The following RAD51B variants were observed in gnomAD, a reference collection of about 807,000 sequenced individuals.
RAD51B encodes DNA repair protein RAD51 homolog 2.
A neutral mutation model predicts 42.2 loss-of-function variants in RAD51B; 38 were observed. The ratio of observed to expected loss-of-function variants is 0.90; its 90% CI spans 0.70 to 1.18. The LOEUF (loss-of-function observed/expected upper bound fraction) is 1.18. Ranked by LOEUF, RAD51B falls within the 50% of genes most tolerant of loss-of-function variation. The pLI, the probability that RAD51B is intolerant of heterozygous loss-of-function variation, is 0.00. For synonymous variants in RAD51B, 154 were observed against 145.2 expected (o/e 1.06, Z -0.43); for missense variants, 373 against 400.7 (o/e 0.93, Z 0.59).
intron 10 of RAD51B, among the ~76,000 whole-genome samples, chr14:68,493,453 A>C (rs1884240342): frequency 6.6e-6 from 1 of 152,146 alleles, no homozygotes. Flanking sequence ...CCTCATACTC[A>C]GCTTCCACCC....
intron 7 of RAD51B, among the ~76,000 whole-genome samples, chr14:67,892,449 T>C (rs916192092): frequency 1.3e-5 from 2 of 152,190 alleles, no homozygotes; most frequent in African/African-American, 4.8e-5. Context: ...TTACAATGAA[T>C]GGTTTAGCCC....
chr14:68,429,355 GT>G (rs2084940534), intron 9 of RAD51B, among the ~76,000 whole-genome samples: 1 of 152,162 alleles, frequency 6.6e-6, no homozygotes, highest in Non-Finnish European at 1.5e-5. Context: ...GGTTGAACTA[GT>G]TTACAGTCCC....
intron 10 of RAD51B, among the ~76,000 whole-genome samples, chr14:68,490,042 C>T (rs534762984): frequency 5.2e-4 from 79 of 152,272 alleles, no homozygotes; most frequent in Non-Finnish European, 8.5e-4. Flanking sequence ...CCGTAACTAC[C>T]GCAGCCTCTA....
intron 10 of RAD51B, chr14:68,497,427 CAG>C (rs1884607983): frequency 2.0e-5 from 22 of 1,096,738 alleles, no homozygotes; most frequent in Non-Finnish European, 2.3e-5. Flanking sequence ...AATGGGCACA[CAG>C]GGAACAGGAA....
At chr14:68,681,248 G>C (rs921082201) in intron 11 of RAD51B, among the ~76,000 whole-genome samples, 1 of 152,182 alleles carries the variant, frequency 6.6e-6, no homozygotes, top group African/African-American at 2.4e-5. Context: ...AAAAAAGATA[G>C]TTGCTAGGGT....
intron 10 of RAD51B, among the ~76,000 whole-genome samples, chr14:68,472,442 G>A (rs775716816): frequency 6.6e-6 from 1 of 152,180 alleles, no homozygotes; most frequent in Non-Finnish European, 1.5e-5. Flanking sequence ...AACACCTGCG[G>A]ACTTGGTGAA....
intron 7 of RAD51B, among the ~76,000 whole-genome samples, chr14:67,981,716 G>A (rs1172546504): frequency 5.3e-5 from 8 of 152,126 alleles, no homozygotes; most frequent in African/African-American, 9.7e-5. Context: ...AAAAGACTGC[G>A]TGCTGTTTGA....
chr14:68,299,892 A>T (rs2081690706), intron 8 of RAD51B, among the ~76,000 whole-genome samples: 1 of 152,228 alleles, frequency 6.6e-6, no homozygotes, highest in Non-Finnish European at 1.5e-5. Flanking sequence ...CCTTTCCATG[A>T]CACTGACACT....
chr14:68,445,903 G>A (rs529781016), intron 9 of RAD51B, among the ~76,000 whole-genome samples: 7 of 152,274 alleles, frequency 4.6e-5, no homozygotes, highest in East Asian at 1.9e-4. Context: ...GACTGAGAAC[G>A]GTTTAAGGTA....
chr14:67,865,578 G>A (rs1347935935), intron 5 of RAD51B, among the ~76,000 whole-genome samples: 34 of 114,732 alleles, frequency 3.0e-4, no homozygotes, highest in East Asian at 4.9e-4. Flanking sequence ...TCTCTCTGTC[G>A]CCCAGGTTGG....
rs1281594128 is a variant in RAD51B at position 68,238,048 on chromosome 14, G to T, written c.757-53836G>T. ...TATGAATATATCTCCGAGTAGAATTGCTGGGTTATATGTTAACTCTGTTTT... is the reference window on the plus strand; with the variant it reads ...TATGAATATATCTCCGAGTAGAATTTCTGGGTTATATGTTAACTCTGTTTT... On this transcript the variant is annotated intron_variant, in intron 7 of 10. Coordinates refer to ENST00000471583, the MANE Select transcript of RAD51B (RefSeq NM_133510.4). Among the ~76,000 whole-genome samples the T allele has an allele frequency of 3.9e-5, 6 of 152,082 alleles. No individual in the cohort carries two copies. The East Asian group carries it at 1.2e-3, about 29-fold the overall frequency.
chr14:68,038,956 A>G (rs1054101757), intron 7 of RAD51B, among the ~76,000 whole-genome samples: 1 of 152,152 alleles, frequency 6.6e-6, no homozygotes, highest in African/African-American at 2.4e-5. Context: ...ATACTATTGT[A>G]TATCTCTTCA....
At chr14:68,086,796 A>T (rs1450274553) in intron 7 of RAD51B, among the ~76,000 whole-genome samples, 1 of 152,036 alleles carries the variant, frequency 6.6e-6, no homozygotes, top group African/African-American at 2.4e-5. Flanking sequence ...TTCTTGAGGG[A>T]ATAATACTTC....
intron 7 of RAD51B, among the ~76,000 whole-genome samples, chr14:67,916,869 C>T (rs2044166769): frequency 3.3e-5 from 5 of 152,090 alleles, no homozygotes; most frequent in Admixed American, 3.3e-4. Flanking sequence ...GTGCAGTTTC[C>T]ATTCTAATGG....
chr14:67,950,970 A>T (rs183061226), intron 7 of RAD51B, among the ~76,000 whole-genome samples: 228 of 152,334 alleles, frequency 1.5e-3, no homozygotes, highest in Non-Finnish European at 2.3e-3. Flanking sequence ...CTTATCTATT[A>T]GGTTTGACAT....
chr14:68,417,478 C>T (rs976153812), intron 9 of RAD51B, among the ~76,000 whole-genome samples: 1 of 152,216 alleles, frequency 6.6e-6, no homozygotes, highest in Non-Finnish European at 1.5e-5. Flanking sequence ...ACTCTTGCAA[C>T]AGAAGTGCTC....
chr14:67,903,937 A>C (rs999601023), intron 7 of RAD51B, among the ~76,000 whole-genome samples: 1 of 152,052 alleles, frequency 6.6e-6, no homozygotes, highest in African/African-American at 2.4e-5. Context: ...CCCCGTATCT[A>C]TGGTTTCCTT....
rs1293560236 is a variant in RAD51B, at chr14:67,917,698, A to G, written c.756+30494A>G. ...TTTCCTGACGATTTGAGTATGTTAT[A>G]TGAAACAAAAAGGAGTCTATGTTTT... On this transcript the variant is annotated intron_variant, in intron 7 of 10. Transcript: ENST00000471583. Among the ~76,000 whole-genome samples, 7 of 152,218 alleles carry G rather than the reference A, an allele frequency of 4.6e-5. No individual in the cohort carries two copies. The East Asian group carries it at 1.2e-3, about 25-fold the overall frequency.
At chr14:68,590,948 C>G (rs1382526040) in intron 10 of RAD51B, among the ~76,000 whole-genome samples, 1 of 152,170 alleles carries the variant, frequency 6.6e-6, no homozygotes, top group Non-Finnish European at 1.5e-5. Flanking sequence ...GGCGACTGCT[C>G]CTACCTGAGA....
Sources: gnomAD v4.1 joint callset for allele counts (sites outside exome capture counted in the v4.1 genomes callset) on GRCh38, gnomAD v4.1.1 for gene constraint, MANE v1.5 for transcripts, NCBI Gene and HGNC (gene_info 2026-07-23, HGNC 2026-07-21) for gene names.